RAB23: variants seen among roughly 807,000 people sequenced by gnomAD.
The protein encoded by RAB23 is ras-related protein Rab-23.
In RAB23, 15 loss-of-function variants were observed where a neutral mutation model predicts 30.0. That is an observed-to-expected ratio of 0.50 (90% CI 0.33 to 0.77). RAB23 has a LOEUF of 0.77. Among genes scored for constraint, RAB23 ranks in the 30% least tolerant of loss-of-function variants. The pLI, the probability that RAB23 is intolerant of heterozygous loss-of-function variation, is 0.02. For missense variants in RAB23, 243 were observed against 275.4 expected (o/e 0.88, Z 0.83); for synonymous variants, 93 against 94.0 (o/e 0.99, Z 0.06).
intron 3 of RAB23, among the ~76,000 whole-genome samples, chr6:57,200,348 C>T (rs750927626): frequency 5.1e-4 from 77 of 151,496 alleles, no homozygotes; most frequent in Admixed American, 2.4e-3. Flanking sequence ...ACAAGCCTGG[C>T]CAACATAGTG....
At chr6:57,198,203 GATAA>G (rs1765099474) in intron 3 of RAB23, among the ~76,000 whole-genome samples, 1 of 152,086 alleles carries the variant, frequency 6.6e-6, no homozygotes, top group African/African-American at 2.4e-5. Context: ...TTAGTATACC[GATAA>G]ATAAACTTAT....
chr6:57,217,809 T>G (rs1765906021), intron 1 of RAB23, among the ~76,000 whole-genome samples: 1 of 152,102 alleles, frequency 6.6e-6, no homozygotes, highest in Non-Finnish European at 1.5e-5. Flanking sequence ...AAAAGCTGGC[T>G]TTTTGAGAAG....
At position 57,193,872 on chromosome 6, in the gene RAB23, C is replaced by G; in HGVS notation, c.544G>C (p.Glu182Gln). Residue 182 changes from glutamate to glutamine, a missense_variant, in exon 6 of 7, where the codon GAA becomes CAA. By Grantham distance (29) the Glu-to-Gln change is conservative (BLOSUM62 2). Transcript: ENST00000468148. The part of the protein sequence containing the change: ...KLKQQIAEDP[E>Q]LTHSSSNKIG... The stretch of plus-strand genomic sequence containing the variant: ...TTGTTACTACTTGAATGCGTTAGTT[C>G]TGGATCCTCAGCTATTTGTTGTTTG... 2 of 1,612,880 alleles carry G rather than the reference C, an allele frequency of 1.2e-6. No homozygotes were observed. The highest frequency in any genetic ancestry group is 1.7e-6 in the Non-Finnish European group (2 of 1,179,296).
intron 6 of RAB23, among the ~76,000 whole-genome samples, chr6:57,193,547 G>GT (rs1764916965): frequency 1.3e-5 from 2 of 152,184 alleles, no homozygotes; most frequent in South Asian, 4.1e-4. Flanking sequence ...AAGAGCCAGT[G>GT]TAAGTACAGA....
rs1396356515 is a variant in RAB23, at chr6:57,221,822, C to G, written c.-162G>C. Reference sequence around the variant, plus strand: ...GCTCAGGGAGGGGAGAGCCGGCGCTCGGCGGTCCGAACCGGGGGATGGGGG... The same window carrying G: ...GCTCAGGGAGGGGAGAGCCGGCGCTGGGCGGTCCGAACCGGGGGATGGGGG... On this transcript the variant is annotated 5_prime_UTR_variant, in exon 1 of 7. Transcript: ENST00000468148. 1.3e-5 allele frequency: 2 copies of G among 152,422 alleles called. No homozygotes were observed. Among genetic ancestry groups the G allele is most frequent in the Non-Finnish European group, 2.9e-5 (2 of 68,224 alleles). The allele number at this position is 152,422 out of a possible 1,614,324, so 9.4% of individuals were successfully genotyped here.
intron 3 of RAB23, among the ~76,000 whole-genome samples, chr6:57,202,112 C>T (rs1484276828): frequency 6.6e-6 from 1 of 152,134 alleles, no homozygotes; most frequent in African/African-American, 2.4e-5. Flanking sequence ...TAACACATTT[C>T]TAGGATTTAA....
In RAB23 at chr6:57,187,252, G is replaced by T. The variant is rs1764636971; in HGVS notation, c.*3209C>A. The T allele has an allele frequency of 6.6e-6, 1 of 152,154 alleles. No individual in the cohort carries two copies. The highest frequency in any genetic ancestry group is 2.4e-5 in the African/African-American group (1 of 41,430). 9.4% of individuals were successfully genotyped at this position (152,154 alleles called of 1,614,324 possible). ...CCTACTGTAGATATTTCGAGAGACA[G>T]ATGAAAATAATAATAATAAAGATTA... is the stretch of plus-strand genomic sequence containing the variant. On this transcript the variant is annotated 3_prime_UTR_variant, in exon 7 of 7. Coordinates refer to ENST00000468148, the MANE Select transcript of RAB23 (RefSeq NM_016277.5).
intron 3 of RAB23, among the ~76,000 whole-genome samples, chr6:57,202,609 C>A (rs905361799): frequency 3.9e-5 from 6 of 152,130 alleles, no homozygotes; most frequent in Admixed American, 2.6e-4. Flanking sequence ...CGGTACCACA[C>A]AGGGAAGAGA....
chr6:57,202,800 CATAAA>C (rs1467716811), intron 3 of RAB23, among the ~76,000 whole-genome samples: 19 of 152,018 alleles, frequency 1.2e-4, no homozygotes, highest in African/African-American at 4.1e-4. Flanking sequence ...AAAGGGAAAA[CATAAA>C]ATAATGTTCA....
intron 1 of RAB23, among the ~76,000 whole-genome samples, chr6:57,213,967 G>A (rs1052322201): frequency 7.5e-6 from 1 of 133,530 alleles, no homozygotes; most frequent in Non-Finnish European, 1.6e-5. Context: ...AGACCAACTG[G>A]GGAGGACTGG....
At chr6:57,205,983 C>T (rs541107689) in intron 3 of RAB23, among the ~76,000 whole-genome samples, 2 of 152,296 alleles carry the variant, frequency 1.3e-5, no homozygotes, top group South Asian at 4.2e-4. Context: ...ATGACAGAGA[C>T]TTGAGTAAAA....
At position 57,207,329 on chromosome 6, in the gene RAB23, C is replaced by T. The variant is rs548169248; in HGVS notation, c.241+299G>A. Among the ~76,000 whole-genome samples, 5 of 152,228 alleles carry T rather than the reference C, an allele frequency of 3.3e-5. No individual in the cohort carries two copies. The East Asian group carries it at 5.8e-4, about 18-fold the overall frequency. On this transcript the variant is annotated intron_variant, in intron 3 of 6. Coordinates refer to ENST00000468148, the MANE Select transcript of RAB23 (RefSeq NM_016277.5). The stretch of plus-strand genomic sequence containing the variant: ...TGTTAGCTTCCACTCTCTGACTATA[C>T]AGTCATTTTCTTGGGGTCAAAGTAG...
At chr6:57,190,791 ATGT>A (rs1445060197) in intron 6 of RAB23, among the ~76,000 whole-genome samples, 191 bp from the exon 7 acceptor site, 2 of 152,168 alleles carry the variant, frequency 1.3e-5, no homozygotes, top group African/African-American at 4.8e-5. Context: ...TACATTTGTA[ATGT>A]TGTGGAACAA....
intron 1 of RAB23, among the ~76,000 whole-genome samples, chr6:57,216,834 C>CGCGGCATTTATAA (rs141923645): frequency 0.1 from 15,890 of 151,926 alleles, 1,054 homozygotes; most frequent in Middle Eastern, 0.16. Flanking sequence ...CAGACGTTGC[C>CGCGGCATTTATAA]GCGGCATTTA....
intron 6 of RAB23, among the ~76,000 whole-genome samples, chr6:57,192,500 A>G (rs1210077800): frequency 6.6e-6 from 1 of 152,272 alleles, no homozygotes; most frequent in African/African-American, 2.4e-5. Context: ...TTTCAAAGGA[A>G]GGACAGATTG....
rs775070600 is a variant in RAB23 at position 57,210,419 on chromosome 6, TAGG to T, written c.-42_-40del. 2.0e-5 allele frequency: 32 copies of T among 1,593,588 alleles called. No individual in the cohort carries two copies. The East Asian group carries it at 2.5e-4, about 12-fold the overall frequency. On this transcript the variant is annotated 5_prime_UTR_variant, in exon 2 of 7. Transcript: ENST00000468148. ...ATGGTTTCTGTACCAACTCTAATTC[TAGG>T]AGATCAGATCTTCCCTCTCAAATCT... is the stretch of plus-strand genomic sequence containing the variant.
chr6:57,215,298 G>A (rs573453343), intron 1 of RAB23, among the ~76,000 whole-genome samples: 7 of 152,312 alleles, frequency 4.6e-5, no homozygotes. Context: ...CAAAGCTACA[G>A]ATTCAAGAAG....
At chr6:57,211,277 C>T (rs190312717) in intron 1 of RAB23, among the ~76,000 whole-genome samples, 11 of 151,948 alleles carry the variant, frequency 7.2e-5, no homozygotes, top group Non-Finnish European at 1.5e-4. Flanking sequence ...ATATAGAGAC[C>T]CAGTTGCCAC....
At chr6:57,205,062 G>T (rs1460727733) in intron 3 of RAB23, among the ~76,000 whole-genome samples, 1 of 150,512 alleles carries the variant, frequency 6.6e-6, no homozygotes, top group East Asian at 1.9e-4. Context: ...TTATAAATAT[G>T]TGTATATATA....
Sources: gnomAD v4.1 joint callset for allele counts (sites outside exome capture counted in the v4.1 genomes callset) on GRCh38, gnomAD v4.1.1 for gene constraint, MANE v1.5 for transcripts, NCBI Gene and HGNC (gene_info 2026-07-23, HGNC 2026-07-21) for gene names.